SEMA4D: variants seen among roughly 807,000 people sequenced by gnomAD.
SEMA4D encodes semaphorin-4D.
In SEMA4D, 22 loss-of-function variants were observed where a neutral mutation model predicts 74.8. That is an observed-to-expected ratio of 0.29 (90% CI 0.21 to 0.42). The LOEUF is 0.42. Ranked by LOEUF, SEMA4D falls within the 10% of genes least tolerant of loss-of-function variation. The probability of loss-of-function intolerance (pLI) is 1.00; values close to 1 mark genes in which losing one functional copy is unlikely to be tolerated. For synonymous variants in SEMA4D, 445 were observed against 463.7 expected, an observed-to-expected ratio of 0.96 and a Z score of 0.52; for missense variants, 937 against 1,118.4, an observed-to-expected ratio of 0.84 and a Z score of 2.31.
chr9:89,396,561 G>A (rs1841009464), intron 6 of SEMA4D, among the ~76,000 whole-genome samples, 176 bp downstream of exon 6: 1 of 152,252 alleles, frequency 6.6e-6, no homozygotes, highest in African/African-American at 2.4e-5. Flanking sequence ...GCCCCTGACA[G>A]CAGCTGTGCA....
chr9:89,467,181 T>C (rs181237396), intron 1 of SEMA4D, among the ~76,000 whole-genome samples: 59 of 152,296 alleles, frequency 3.9e-4, no homozygotes, highest in African/African-American at 1.3e-3. Flanking sequence ...AGGACATGGG[T>C]ACACGGCCCT....
At chr9:89,450,100 C>T in intron 2 of SEMA4D, 1 of 1,229,938 alleles carries the variant, frequency 8.1e-7, no homozygotes, top group Non-Finnish European at 1.2e-6. Context: ...AACTGCATGC[C>T]AATAGAAGGT....
Position 89,450,283 on chromosome 9 carries a change from A to G in SEMA4D, c.-244+5605T>C. ...AAGGGCAAGACCAAGGATGCAGGAG[A>G]GAGAACCACTATGTACAAATGAGAC... On this transcript the variant is annotated intron_variant, in intron 2 of 15. Transcript: ENST00000422704. 3.2e-6 allele frequency: 3 copies of G among 941,218 alleles called. No individual in the cohort carries two copies. The South Asian group carries it at 3.9e-5, about 12-fold the overall frequency. The allele number at this position is 941,218 out of a possible 1,614,324, so 58.3% of individuals were successfully genotyped here.
intron 2 of SEMA4D, among the ~76,000 whole-genome samples, chr9:89,416,466 C>T (rs1214861035): frequency 2.6e-5 from 4 of 152,144 alleles, no homozygotes; most frequent in Non-Finnish European, 4.4e-5. Context: ...CAACAACACG[C>T]GAGGCGCGAC....
intron 1 of SEMA4D, among the ~76,000 whole-genome samples, chr9:89,458,642 T>C (rs1190935587): frequency 6.6e-6 from 1 of 151,970 alleles, no homozygotes; most frequent in African/African-American, 2.4e-5. Flanking sequence ...TAAGCACACA[T>C]GTATATTCAC....
chr9:89,462,458 C>T (rs577195989), intron 1 of SEMA4D, among the ~76,000 whole-genome samples: 7 of 152,268 alleles, frequency 4.6e-5, no homozygotes, highest in Non-Finnish European at 8.8e-5. Context: ...GGCAGGCAAC[C>T]GGCTGATAAA....
intron 2 of SEMA4D, among the ~76,000 whole-genome samples, chr9:89,424,620 C>T (rs1181834018): frequency 1.3e-5 from 2 of 152,064 alleles, no homozygotes; most frequent in Admixed American, 1.3e-4. Context: ...TCGAACCCTA[C>T]TAATTGCCTT....
intron 16 of SEMA4D, among the ~76,000 whole-genome samples, chr9:89,371,440 GGT>G (rs1491488930): frequency 9.2e-6 from 1 of 108,322 alleles, no homozygotes; most frequent in Non-Finnish European, 2.0e-5. Context: ...GTGTGTGTGG[GGT>G]GTGGTGTGTG....
intron 2 of SEMA4D, among the ~76,000 whole-genome samples, chr9:89,430,807 T>A (rs773224700): frequency 3.3e-5 from 5 of 152,056 alleles, no homozygotes; most frequent in African/African-American, 9.7e-5. Flanking sequence ...CAAAACCCCA[T>A]CTCTACTAAA....
chr9:89,364,608 A>G (rs1279541700), intron 16 of SEMA4D: 1 of 156,518 alleles, frequency 6.4e-6, no homozygotes, highest in African/African-American at 2.4e-5. Flanking sequence ...TGGGCCCGAC[A>G]TTGGCCACTT....
chr9:89,486,261 T>C (rs1825196872), intron 1 of SEMA4D, among the ~76,000 whole-genome samples: 1 of 152,208 alleles, frequency 6.6e-6, no homozygotes, highest in Admixed American at 6.5e-5. Flanking sequence ...TAATTCCTTC[T>C]ATATGAAATT....
At chr9:89,485,928 G>A (rs192983298) in intron 1 of SEMA4D, among the ~76,000 whole-genome samples, 12 of 151,846 alleles carry the variant, frequency 7.9e-5, no homozygotes, top group Non-Finnish European at 1.2e-4. Flanking sequence ...TTGGCTGAGC[G>A]GCTTCAAGAA....
intron 2 of SEMA4D, among the ~76,000 whole-genome samples, chr9:89,424,900 A>G (rs552026070): frequency 6.6e-6 from 1 of 152,292 alleles, no homozygotes; most frequent in South Asian, 2.1e-4. Context: ...GGCAGCTCGC[A>G]TCACACTATT....
intron 2 of SEMA4D, among the ~76,000 whole-genome samples, chr9:89,448,296 T>TC (rs1853473127): frequency 6.6e-6 from 1 of 152,200 alleles, no homozygotes; most frequent in Admixed American, 6.5e-5. Flanking sequence ...GCTTTATTTC[T>TC]CCCCCTTGTA....
intron 2 of SEMA4D, chr9:89,418,539 A>G (rs1214751154): frequency 2.2e-6 from 1 of 457,616 alleles, no homozygotes; most frequent in South Asian, 9.2e-5. Context: ...AGAAACACAT[A>G]TGGCATAATT....
At chr9:89,449,658 T>A in intron 2 of SEMA4D, 1 of 1,491,564 alleles carries the variant, frequency 6.7e-7, no homozygotes. Flanking sequence ...GGTACTTCGG[T>A]CCTTGGTGGA....
At chr9:89,494,003 C>G (rs1048782011) in intron 1 of SEMA4D, among the ~76,000 whole-genome samples, 3 of 152,150 alleles carry the variant, frequency 2.0e-5, no homozygotes, top group Non-Finnish European at 4.4e-5. Context: ...CTGATAGTAG[C>G]ATATTGATTT....
intron 2 of SEMA4D, among the ~76,000 whole-genome samples, chr9:89,449,161 C>T (rs537332883): frequency 2.0e-4 from 30 of 152,348 alleles, no homozygotes; most frequent in African/African-American, 7.0e-4. Flanking sequence ...GATGTACAAT[C>T]TCAGTGGTGA....
intron 2 of SEMA4D, among the ~76,000 whole-genome samples, chr9:89,439,912 C>G (rs1851316620): frequency 6.6e-6 from 1 of 152,248 alleles, no homozygotes; most frequent in Non-Finnish European, 1.5e-5. Flanking sequence ...TAAGCATTCA[C>G]TTACTTTAGC....
Sources: gnomAD v4.1 joint callset for allele counts (sites outside exome capture counted in the v4.1 genomes callset) on GRCh38, gnomAD v4.1.1 for gene constraint, MANE v1.5 for transcripts, NCBI Gene and HGNC (gene_info 2026-07-23, HGNC 2026-07-21) for gene names.